PRDM16: variants seen among roughly 807,000 people sequenced by gnomAD.
PRDM16 encodes the protein PR/SET domain 16.
Under a neutral mutation model 110.6 loss-of-function variants are expected in PRDM16, and 23 were observed. The observed-to-expected ratio is 0.21, with a 90% CI of 0.15 to 0.29. The LOEUF (loss-of-function observed/expected upper bound fraction) is 0.29, where lower values mean the gene tolerates loss of function less well. PRDM16 is among the 10% of genes least tolerant of loss of function. The pLI is 1.00. For missense variants in PRDM16, 1,615 were observed against 1,794.3 expected (o/e 0.90, Z 1.81); for synonymous variants, 799 against 781.8 (o/e 1.02, Z -0.37).
intron 12 of PRDM16, chr1:3,424,991 A>AC (rs1638552846): frequency 1.3e-5 from 2 of 148,552 alleles, no homozygotes; most frequent in Admixed American, 1.3e-4. Flanking sequence ...GGTCGGGCGC[A>AC]CCGCCTGCCC....
rs1410155279 is a variant in PRDM16, at chr1:3,080,902, G to A, written c.37+11606G>A. On this transcript the variant is annotated intron_variant, in intron 1 of 16. Coordinates refer to ENST00000270722, the MANE Select transcript of PRDM16 (RefSeq NM_022114.4). The surrounding 1 kb of genome is among the most constrained non-coding windows in gnomAD (Gnocchi z 5.2). ...CAGAACCCCGGCCCGAGCACCCAAC[G>A]CTTCCCGGAGAGCTTGTGTGCCTGA... 6.6e-6 allele frequency among the ~76,000 whole-genome samples: 1 copy of A among 152,122 alleles called. No homozygotes were observed. The highest frequency in any genetic ancestry group is 6.6e-5 in the Admixed American group (1 of 15,264).
At position 3,435,388 on chromosome 1, in the gene PRDM16, A is replaced by AT. The variant is rs1638877733; in HGVS notation, c.*1583dup. 2 of 231,208 alleles carry AT rather than the reference A, an allele frequency of 8.7e-6. No homozygotes were observed. The highest frequency in any genetic ancestry group is 1.7e-5 in the Non-Finnish European group (2 of 116,876). The allele number at this position is 231,208 out of a possible 1,614,324, so 14.3% of individuals were successfully genotyped here. ...TTGTGTGTCGTGTGGGAGTGGGGCG[A>AT]TTTTTTATGTGCCAAATACCCCCGT... On this transcript the variant is annotated 3_prime_UTR_variant, in exon 17 of 17. Transcript: ENST00000270722.
At chr1:3,138,818 T>C (rs1643489246) in intron 1 of PRDM16, among the ~76,000 whole-genome samples, 1 of 152,168 alleles carries the variant, frequency 6.6e-6, no homozygotes. Context: ...CAGGCGCCCC[T>C]GCATGAGGGC....
intron 3 of PRDM16, among the ~76,000 whole-genome samples, chr1:3,273,202 C>A (rs1300622272): frequency 6.6e-6 from 1 of 152,182 alleles, no homozygotes; most frequent in Non-Finnish European, 1.5e-5. Flanking sequence ...CAGCTCTTAA[C>A]CATCCCCCAA....
intron 1 of PRDM16, among the ~76,000 whole-genome samples, chr1:3,158,579 A>T (rs1009360172): frequency 6.6e-6 from 1 of 152,136 alleles, no homozygotes; most frequent in African/African-American, 2.4e-5. Context: ...TTACAATCTC[A>T]TCGCCATGGG....
At chr1:3,433,458 C>T (rs538922978) in intron 16 of PRDM16, among the ~76,000 whole-genome samples, 6 of 151,932 alleles carry the variant, frequency 3.9e-5, no homozygotes, top group South Asian at 4.2e-4. Context: ...CCTGCCTGTC[C>T]AGGATGGCCT....
intron 1 of PRDM16, among the ~76,000 whole-genome samples, chr1:3,103,523 C>T (rs953888330): frequency 6.6e-6 from 1 of 152,220 alleles, no homozygotes; most frequent in African/African-American, 2.4e-5. Flanking sequence ...CTCTTTGTTC[C>T]GGGTCTCTGA....
intron 8 of PRDM16, among the ~76,000 whole-genome samples, chr1:3,409,754 GGTGT>G (rs1557659440): frequency 1.5e-5 from 2 of 134,750 alleles, no homozygotes; most frequent in African/African-American, 5.7e-5. Flanking sequence ...GTGTGGTGTG[GGTGT>G]GAGTGTGTGT....
chr1:3,340,314 C>A (rs936731933), intron 3 of PRDM16, among the ~76,000 whole-genome samples: 1 of 152,022 alleles, frequency 6.6e-6, no homozygotes. Flanking sequence ...AGGTGGTGGC[C>A]TCTCCCTCCC....
intron 16 of PRDM16, among the ~76,000 whole-genome samples, chr1:3,432,744 G>A (rs190163869): frequency 1.8e-4 from 28 of 152,320 alleles, no homozygotes; most frequent in African/African-American, 6.3e-4. Flanking sequence ...AGCAAAAGCC[G>A]TCTGCGTGTC....
intron 2 of PRDM16, among the ~76,000 whole-genome samples, chr1:3,236,877 G>A (rs920286820): frequency 6.6e-6 from 1 of 152,226 alleles, no homozygotes; most frequent in South Asian, 2.1e-4. Flanking sequence ...TACCCAGTGC[G>A]GAGCCCGGCC....
chr1:3,105,048 C>T lies in PRDM16; in HGVS notation c.37+35752C>T, dbSNP rs149459366. On this transcript the variant is annotated intron_variant, in intron 1 of 16. Coordinates refer to ENST00000270722, the MANE Select transcript of PRDM16 (RefSeq NM_022114.4). ...CTCTCTGGAAGGTGCTGGAGAGGAG[C>T]GGGGGGTGGGGGCGGGTGGAAGGTG... 2.6e-3 allele frequency among the ~76,000 whole-genome samples: 325 copies of T among 127,242 alleles called. 6 individuals carry two copies. Among genetic ancestry groups the T allele is most frequent in the South Asian group, 0.016 (60 of 3,706 alleles). 83.5% of individuals were successfully genotyped at this position (127,242 alleles called of 152,430 possible). A position where few individuals can be genotyped will look rare whatever the true frequency, so the allele number is the denominator to read the frequency against.
At position 3,206,540 on chromosome 1, in the gene PRDM16, C is replaced by T. The variant is rs1638757512; in HGVS notation, c.387+20066C>T. On this transcript the variant is annotated intron_variant, in intron 2 of 16. Coordinates refer to ENST00000270722, the MANE Select transcript of PRDM16 (RefSeq NM_022114.4). The surrounding 1 kb of genome is among the most constrained non-coding windows in gnomAD (Gnocchi z 4.9). Reference sequence around the variant, plus strand: ...GAGTGAATAGAAGGTGCACGTGGCCCTTCCTGAGTCTGCTCACCCTCCGGA... The same window carrying T: ...GAGTGAATAGAAGGTGCACGTGGCCTTTCCTGAGTCTGCTCACCCTCCGGA... 1 of 152,226 alleles carries T rather than the reference C, an allele frequency of 6.6e-6. No individual in the cohort carries two copies. The highest frequency in any genetic ancestry group is 1.5e-5 in the Non-Finnish European group (1 of 68,058). The allele number at this position is 152,226 out of a possible 1,614,324, so 9.4% of individuals were successfully genotyped here.
At chr1:3,127,179 T>G (rs1312457105) in intron 1 of PRDM16, among the ~76,000 whole-genome samples, 1 of 152,254 alleles carries the variant, frequency 6.6e-6, no homozygotes, top group Non-Finnish European at 1.5e-5. Flanking sequence ...GCACTGTGCT[T>G]TCTAAAGACA....
rs1224317476 is a variant in PRDM16 at position 3,243,309 on chromosome 1, G to T, written c.388-778G>T. Reference sequence around the variant, plus strand: ...AGAAGTTTCCTCCAAAAGCCATGGGGGACATCCCCCTCCCAGGGATCTGGA... The same window carrying T: ...AGAAGTTTCCTCCAAAAGCCATGGGTGACATCCCCCTCCCAGGGATCTGGA... On this transcript the variant is annotated intron_variant, in intron 2 of 16. Coordinates refer to ENST00000270722, the MANE Select transcript of PRDM16 (RefSeq NM_022114.4). This position sits in a 1 kb window ranked among gnomAD's most constrained non-coding sequence, Gnocchi z 5.5. Among the ~76,000 whole-genome samples, 1 of 152,184 alleles carries T rather than the reference G, an allele frequency of 6.6e-6. No homozygotes were observed. The highest frequency in any genetic ancestry group is 1.5e-5 in the Non-Finnish European group (1 of 68,032).
rs1638590620 is a variant in PRDM16 at position 3,425,934 on chromosome 1, C to G, written c.3110-117C>G. 3 of 1,300,592 alleles carry G rather than the reference C, an allele frequency of 2.3e-6. No homozygotes were observed. The highest frequency in any genetic ancestry group is 3.1e-6 in the Non-Finnish European group (3 of 957,342). The allele number at this position is 1,300,592 out of a possible 1,614,324, so 80.6% of individuals were successfully genotyped here. On this transcript the variant is annotated intron_variant, in intron 13 of 16. Coordinates refer to ENST00000270722, the MANE Select transcript of PRDM16 (RefSeq NM_022114.4). This position sits in a 1 kb window ranked among gnomAD's most constrained non-coding sequence, Gnocchi z 6.9. ...AGAGAACCTCGTGCTCTCCGGTGTC[C>G]CTAAGAAACCTGCCTCCCTAACAGC... is the stretch of plus-strand genomic sequence containing the variant.
intron 1 of PRDM16, among the ~76,000 whole-genome samples, chr1:3,079,556 G>A (rs940215248): frequency 4.6e-5 from 7 of 152,196 alleles, no homozygotes; most frequent in South Asian, 2.1e-4. Context: ...CCCCAGGGAC[G>A]TGCCACAGGA....
At chr1:3,146,778 CAT>C (rs1397241437) in intron 1 of PRDM16, among the ~76,000 whole-genome samples, 5 of 106,504 alleles carry the variant, frequency 4.7e-5, no homozygotes, top group East Asian at 3.0e-4. Flanking sequence ...TGTGTGTGCA[CAT>C]GTGTGCTCGG....
chr1:3,273,530 TG>T (rs368714677), intron 3 of PRDM16, among the ~76,000 whole-genome samples: 1 of 151,780 alleles, frequency 6.6e-6, no homozygotes, highest in African/African-American at 2.4e-5. Flanking sequence ...TGTGTGTACG[TG>T]GGTGGGTATA....
Sources: gnomAD v4.1 joint callset for allele counts (sites outside exome capture counted in the v4.1 genomes callset) on GRCh38, gnomAD v4.1.1 for gene constraint, Gnocchi (gnomAD v3.1) non-coding constraint, MANE v1.5 for transcripts, NCBI Gene and HGNC (gene_info 2026-07-23, HGNC 2026-07-21) for gene names.